BAIAP2L1: variants seen among roughly 807,000 people sequenced by gnomAD.
BAIAP2L1 encodes BAR/IMD domain-containing adapter protein 2-like 1.
A neutral mutation model predicts 66.3 loss-of-function variants in BAIAP2L1; 35 were observed. The ratio of observed to expected loss-of-function variants is 0.53; its 90% CI spans 0.40 to 0.70. The LOEUF (loss-of-function observed/expected upper bound fraction) is 0.70, where lower values mean the gene tolerates loss of function less well. Ranked by LOEUF, BAIAP2L1 falls within the 30% of genes least tolerant of loss-of-function variation. BAIAP2L1 has a pLI of 0.00. For synonymous variants in BAIAP2L1, 269 were observed against 248.7 expected, an observed-to-expected ratio of 1.08 and a Z score of -0.77; for missense variants, 622 against 656.9, an observed-to-expected ratio of 0.95 and a Z score of 0.58.
chr7:98,351,571 G>A (rs1001723305), intron 3 of BAIAP2L1, among the ~76,000 whole-genome samples: 3 of 152,122 alleles, frequency 2.0e-5, no homozygotes, highest in Non-Finnish European at 4.4e-5. Context: ...GGAGACAATG[G>A]GGAGAGAGAG....
intron 13 of BAIAP2L1, 83 bp downstream of exon 13, chr7:98,293,991 C>T: frequency 6.8e-7 from 1 of 1,470,810 alleles, no homozygotes; most frequent in Non-Finnish European, 9.5e-7. Context: ...ACCCCCTGGG[C>T]TGGGCACCGA....
intron 1 of BAIAP2L1, among the ~76,000 whole-genome samples, chr7:98,369,459 T>C (rs952602699): frequency 1.3e-5 from 2 of 152,160 alleles, no homozygotes; most frequent in Admixed American, 6.5e-5. Flanking sequence ...GCCTGGGCGA[T>C]AAAGCGAGAC....
intron 2 of BAIAP2L1, among the ~76,000 whole-genome samples, chr7:98,359,867 C>T (rs759732387): frequency 3.9e-4 from 59 of 151,016 alleles, no homozygotes; most frequent in Non-Finnish European, 5.6e-4. Flanking sequence ...TCAAGCAATC[C>T]TCCCACCCCA....
intron 1 of BAIAP2L1, among the ~76,000 whole-genome samples, chr7:98,376,204 C>T (rs1420302993): frequency 6.6e-6 from 1 of 152,092 alleles, no homozygotes; most frequent in Non-Finnish European, 1.5e-5. Flanking sequence ...AGTATTCAGT[C>T]AATTAAACAC....
rs1026706717 is a variant in BAIAP2L1, at chr7:98,293,718, A to AC, written c.1461-123dup. 9 of 920,310 alleles carry AC rather than the reference A, an allele frequency of 9.8e-6. No individual in the cohort carries two copies. The Admixed American group carries it at 1.3e-4, about 14-fold the overall frequency. 57.0% of individuals were successfully genotyped at this position (920,310 alleles called of 1,614,324 possible). A position where few individuals can be genotyped will look rare whatever the true frequency, so the allele number is the denominator to read the frequency against. On this transcript the variant is annotated intron_variant, in intron 13 of 13. Coordinates refer to ENST00000005260, the MANE Select transcript of BAIAP2L1 (RefSeq NM_018842.5). ...GCGGCTGACCACCTCCCCAGCTTGT[A>AC]CAGGTCCCAGCAGCGTTTTCTGAGT...
At chr7:98,361,326 C>T (rs1003880727) in intron 2 of BAIAP2L1, among the ~76,000 whole-genome samples, 5 of 151,046 alleles carry the variant, frequency 3.3e-5, no homozygotes, top group Non-Finnish European at 4.4e-5. Flanking sequence ...CACTGCACTC[C>T]AGCCTGGGCG....
chr7:98,395,648 A>G lies in BAIAP2L1; in HGVS notation c.51+5154T>C, dbSNP rs114948850. Reference sequence around the variant, plus strand: ...TTGCTATTCAATAAAAAGTTTTAAAAACAAATTTTAAAATATATTTGCATG... The same window carrying G: ...TTGCTATTCAATAAAAAGTTTTAAAGACAAATTTTAAAATATATTTGCATG... On this transcript the variant is annotated intron_variant, in intron 1 of 13. Transcript: ENST00000005260. Among the ~76,000 whole-genome samples, 508 of 152,290 alleles carry G rather than the reference A, an allele frequency of 3.3e-3. 1 individual carries two copies. The highest frequency in any genetic ancestry group is 0.011 in the African/African-American group (475 of 41,576).
At chr7:98,357,013 A>AC (rs1802140409) in intron 2 of BAIAP2L1, among the ~76,000 whole-genome samples, 1 of 30,628 alleles carries the variant, frequency 3.3e-5, no homozygotes, top group Non-Finnish European at 5.2e-5. Context: ...AAAAAAAAAA[A>AC]AAAAAAAATA....
rs139302290 is a variant in BAIAP2L1, at chr7:98,355,082, G to A, written c.174C>T (p.Ile58=). 8.4e-4 allele frequency: 1,360 copies of A among 1,614,000 alleles called. 3 individuals carry two copies. The highest frequency in any genetic ancestry group is 1.1e-3 in the Non-Finnish European group (1,311 of 1,179,912). ...CGGGGGACCCAGTGGCAATCTCACC[G>A]ATCTTGGCCACTCCATCGTAGTAGG... ...GKAYYDGVAK[I]GEIATGSPVS... is the part of the protein sequence containing the mutation. The change falls in exon 3 of 14, where the codon ATC becomes ATT. Residue 58 remains isoleucine, a synonymous_variant. Transcript: ENST00000005260.
In BAIAP2L1 at chr7:98,320,051, C is replaced by T. The variant is rs747254903; in HGVS notation, c.348+7G>A. 6.2e-7 allele frequency: 1 copy of T among 1,610,536 alleles called. No individual in the cohort carries two copies. The highest frequency in any genetic ancestry group is 1.1e-5 in the South Asian group (1 of 90,258). ...AGGCTGGGGCTGGAGGAAAACCATGCACTTACGTTCATATATTTCACGTCA... is the reference window on the plus strand; with the variant it reads ...AGGCTGGGGCTGGAGGAAAACCATGTACTTACGTTCATATATTTCACGTCA... On this transcript the variant is annotated splice_region_variant and intron_variant, in intron 5 of 13. Transcript: ENST00000005260.
chr7:98,353,121 G>C (rs899828409), intron 3 of BAIAP2L1, among the ~76,000 whole-genome samples: 1 of 151,482 alleles, frequency 6.6e-6, no homozygotes, highest in South Asian at 2.1e-4. Context: ...TTCAGTCCTC[G>C]CTGGCACATG....
rs1216557793 is a variant in BAIAP2L1, at chr7:98,306,501, C to T, written c.1179G>A (p.Pro393=). ...HDVSKARGWF[P]SSYTKLLEEN... ...CTTCCAGCAACTTCGTGTACGACGA[C>T]GGGAACCAACCCCTCCTACCGGCAA... The change falls in exon 11 of 14, where the codon CCG becomes CCA. Residue 393 remains proline (P), a synonymous_variant. Coordinates refer to ENST00000005260, the MANE Select transcript of BAIAP2L1 (RefSeq NM_018842.5). 3.5e-5 allele frequency: 56 copies of T among 1,614,002 alleles called. No individual in the cohort carries two copies. The highest frequency in any genetic ancestry group is 1.6e-4 in the Middle Eastern group (1 of 6,084).
chr7:98,339,242 A>C lies in BAIAP2L1; in HGVS notation c.214+15800T>G, dbSNP rs367703574. On this transcript the variant is annotated intron_variant, in intron 3 of 13. Coordinates refer to ENST00000005260, the MANE Select transcript of BAIAP2L1 (RefSeq NM_018842.5). ...TTTTACATGCCCACCAGCAATGGTCAAGGGTTCCAATTTCTCTGCATCTTT... is the reference window on the plus strand; with the variant it reads ...TTTTACATGCCCACCAGCAATGGTCCAGGGTTCCAATTTCTCTGCATCTTT... Among the ~76,000 whole-genome samples, 17 of 152,228 alleles carry C rather than the reference A, an allele frequency of 1.1e-4. No homozygotes were observed. In the South Asian group the frequency reaches 3.3e-3, roughly 30 times the overall value.
intron 12 of BAIAP2L1, among the ~76,000 whole-genome samples, chr7:98,303,765 A>G (rs1270395680): frequency 6.6e-6 from 1 of 152,224 alleles, no homozygotes; most frequent in Non-Finnish European, 1.5e-5. Flanking sequence ...AGGGTTAAAG[A>G]TAACATCCAC....
chr7:98,339,969 G>C (rs956839812), intron 3 of BAIAP2L1, among the ~76,000 whole-genome samples: 2 of 152,122 alleles, frequency 1.3e-5, no homozygotes, highest in African/African-American at 4.8e-5. Flanking sequence ...CTTGGCCAGC[G>C]GTCCTTTGGC....
At chr7:98,378,556 T>C (rs1335989264) in intron 1 of BAIAP2L1, among the ~76,000 whole-genome samples, 1 of 152,244 alleles carries the variant, frequency 6.6e-6, no homozygotes, top group East Asian at 1.9e-4. Context: ...CTTCTCTTTC[T>C]TTAAAGTACT....
chr7:98,377,755 G>T (rs1196788088), intron 1 of BAIAP2L1, among the ~76,000 whole-genome samples: 2 of 145,618 alleles, frequency 1.4e-5, no homozygotes, highest in Non-Finnish European at 3.0e-5. Flanking sequence ...GGAGGCAGAG[G>T]CTGCAGTGAG....
rs1562965661 is a variant in BAIAP2L1, at chr7:98,304,286, G to A, written c.1332C>T (p.Ser444=). 4.3e-6 allele frequency: 7 copies of A among 1,613,654 alleles called. No individual in the cohort carries two copies. Among genetic ancestry groups the A allele is most frequent in the Non-Finnish European group, 5.9e-6 (7 of 1,179,774 alleles). The change falls in exon 12 of 14, where the codon TCC becomes TCT. Residue 444 remains serine (S), a synonymous_variant. Coordinates refer to ENST00000005260, the MANE Select transcript of BAIAP2L1 (RefSeq NM_018842.5). ...IPPPDYLECL[S]MGAAADRRAD... is the part of the protein sequence containing the mutation. ...CTCTCCTGTCGGCAGCTGCCCCCAT[G>A]GACAAGCATTCCAAGTAGTCGGGTG...
At chr7:98,325,359 C>T (rs558517472) in intron 3 of BAIAP2L1, among the ~76,000 whole-genome samples, 1 of 149,616 alleles carries the variant, frequency 6.7e-6, no homozygotes, top group East Asian at 2.0e-4. Flanking sequence ...CAGAGCAAGA[C>T]TCTAAAATAA....
Sources: gnomAD v4.1 joint callset for allele counts (sites outside exome capture counted in the v4.1 genomes callset) on GRCh38, gnomAD v4.1.1 for gene constraint, MANE v1.5 for transcripts, NCBI Gene and HGNC (gene_info 2026-07-23, HGNC 2026-07-21) for gene names.